Variants in ZNF12 observed in about 807,000 individuals in gnomAD.
ZNF12 encodes zinc finger protein 12, also known as gonadotropin inducible transcription repressor 3.
In ZNF12, 34 loss-of-function variants were observed where a neutral mutation model predicts 66.6. The ratio of observed to expected loss-of-function variants is 0.51; its 90% CI spans 0.39 to 0.68. ZNF12 has a LOEUF of 0.68. Among genes scored for constraint, ZNF12 ranks in the 30% least tolerant of loss-of-function variants. ZNF12 has a pLI of 0.00. For synonymous variants in ZNF12, 320 were observed against 278.9 expected, an observed-to-expected ratio of 1.15 and a Z score of -1.47; for missense variants, 697 against 826.9, an observed-to-expected ratio of 0.84 and a Z score of 1.93.
chr7:6,692,296 GTT>G lies in ZNF12; in HGVS notation c.644_645del (p.Lys215ThrfsTer3), dbSNP rs1478503927. ...TTCTGGCATTCAATATATTCAAAAG[GTT>G]TCTCCAAAATACGAATTTTCTGATA... ...SLYQKIRILE[K>X]PFEYIECQKA... On this transcript the variant is annotated frameshift_variant, in exon 5 of 5. Coordinates refer to ENST00000405858, the MANE Select transcript of ZNF12 (RefSeq NM_016265.4). LOFTEE classifies it high-confidence loss of function. This position sits in a 1 kb window ranked among gnomAD's most constrained non-coding sequence, Gnocchi z 5.1. The G allele has an allele frequency of 6.2e-7, 1 of 1,611,018 alleles. No homozygotes were observed. The highest frequency in any genetic ancestry group is 8.5e-7 in the Non-Finnish European group (1 of 1,179,042).
rs199761265 is a variant in ZNF12, at chr7:6,692,172, G to A, written c.770C>T (p.Thr257Ile). Reference sequence around the variant, plus strand: ...TTCCATATGAGATGTCTGATGTACAGTGAGGTCCGACATCTGGAGAAAGGC... The same window carrying A: ...TTCCATATGAGATGTCTGATGTACAATGAGGTCCGACATCTGGAGAAAGGC... ...EIAFLQMSDL[T>I]VHQTSHMEMK... Residue 257 changes from threonine (T) to isoleucine (I), a missense_variant, in exon 5 of 5, where the codon ACT becomes ATT. Transcript: ENST00000405858. The surrounding 1 kb of genome is among the most constrained non-coding windows in gnomAD (Gnocchi z 5.1). 1,870 of 1,614,118 alleles carry A rather than the reference G, an allele frequency of 1.2e-3. 1 individual carries two copies. Among genetic ancestry groups the A allele is most frequent in the Non-Finnish European group, 1.5e-3 (1,755 of 1,179,990 alleles).
rs140307361 is a variant in ZNF12, at chr7:6,692,913, C to T, written c.239-210G>A. On this transcript the variant is annotated intron_variant, in intron 4 of 4. Transcript: ENST00000405858. The surrounding 1 kb of genome is among the most constrained non-coding windows in gnomAD (Gnocchi z 5.1). ...CACACACACACACACACATCCCCCT[C>T]TAGGAATGGAGAAAGGGGGAAGTAA... is the stretch of plus-strand genomic sequence containing the variant. Among the ~76,000 whole-genome samples the T allele has an allele frequency of 6.6e-6, 1 of 152,152 alleles. No homozygotes were observed. Among genetic ancestry groups the T allele is most frequent in the African/African-American group, 2.4e-5 (1 of 41,492 alleles).
At chr7:6,702,118 G>A (rs1028255331) in intron 2 of ZNF12, among the ~76,000 whole-genome samples, 2 of 151,942 alleles carry the variant, frequency 1.3e-5, no homozygotes, top group East Asian at 3.9e-4. Context: ...AGTCTTCCTT[G>A]GGCTGGACTC....
chr7:6,702,486 CCACACA>C (rs59156870), intron 2 of ZNF12, among the ~76,000 whole-genome samples: 11 of 42,758 alleles, frequency 2.6e-4, no homozygotes, highest in African/African-American at 1.4e-3. Flanking sequence ...CTCCCAAACT[CCACACA>C]CACACACACA....
intron 2 of ZNF12, among the ~76,000 whole-genome samples, chr7:6,702,250 T>C (rs1780256289): frequency 7.1e-6 from 1 of 141,090 alleles, no homozygotes; most frequent in African/African-American, 2.7e-5. Flanking sequence ...AGTTCCTCCT[T>C]CTCTACCAGA....
At chr7:6,704,736 GTC>G (rs1472194209) in intron 2 of ZNF12, among the ~76,000 whole-genome samples, 1 of 65,270 alleles carries the variant, frequency 1.5e-5, no homozygotes, top group Non-Finnish European at 2.4e-5. Flanking sequence ...GCAATACTTG[GTC>G]TCAAAAAAAA....
chr7:6,695,702 A>G (rs1408676090), intron 4 of ZNF12, among the ~76,000 whole-genome samples: 2 of 152,266 alleles, frequency 1.3e-5, no homozygotes, highest in Non-Finnish European at 2.9e-5. Context: ...CAAGCAAAAT[A>G]TAGACACTAT....
At position 6,697,283 on chromosome 7, in the gene ZNF12, T is replaced by A. The variant is rs1172834664; in HGVS notation, c.238+56A>T. 1 of 1,390,506 alleles carries A rather than the reference T, an allele frequency of 7.2e-7. No individual in the cohort carries two copies. The highest frequency in any genetic ancestry group is 1.4e-5 in the African/African-American group (1 of 69,706). The allele number at this position is 1,390,506 out of a possible 1,614,324, so 86.1% of individuals were successfully genotyped here. On this transcript the variant is annotated intron_variant, in intron 4 of 4. Transcript: ENST00000405858. This position sits in a 1 kb window ranked among gnomAD's most constrained non-coding sequence, Gnocchi z 6.1. Reference sequence around the variant, plus strand: ...CTAAAGGTTCGGGACCATTAAAAAATCCCTGGGAAAAACACTCCCAAGTTA... The same window carrying A: ...CTAAAGGTTCGGGACCATTAAAAAAACCCTGGGAAAAACACTCCCAAGTTA...
rs1326983668 is a variant in ZNF12 at position 6,692,898 on chromosome 7, C to T, written c.239-195G>A. 1.3e-5 allele frequency among the ~76,000 whole-genome samples: 2 copies of T among 152,074 alleles called. No homozygotes were observed. The highest frequency in any genetic ancestry group is 3.9e-4 in the East Asian group (2 of 5,190). ...TTACACACACACAAACACACACACACACACACATCCCCCTCTAGGAATGGA... is the reference window on the plus strand; with the variant it reads ...TTACACACACACAAACACACACACATACACACATCCCCCTCTAGGAATGGA... On this transcript the variant is annotated intron_variant, in intron 4 of 4. Transcript: ENST00000405858. This position sits in a 1 kb window ranked among gnomAD's most constrained non-coding sequence, Gnocchi z 5.1.
rs557248021 is a variant in ZNF12 at position 6,690,622 on chromosome 7, A to G, written c.*226T>C. On this transcript the variant is annotated 3_prime_UTR_variant, in exon 5 of 5. Transcript: ENST00000405858. ...ATGGTGACATGTATATACATTCTTA[A>G]TATTTATAAATTTTTACTTGTCTAT... 42 of 477,210 alleles carry G rather than the reference A, an allele frequency of 8.8e-5. No individual in the cohort carries two copies. Among genetic ancestry groups the G allele is most frequent in the South Asian group, 6.7e-4 (18 of 26,770 alleles). The allele number at this position is 477,210 out of a possible 1,614,324, so 29.6% of individuals were successfully genotyped here.
chr7:6,703,062 A>G (rs1418218251), intron 2 of ZNF12, among the ~76,000 whole-genome samples: 2 of 151,562 alleles, frequency 1.3e-5, no homozygotes, highest in Non-Finnish European at 2.9e-5. Context: ...ACACACACAC[A>G]CACCCCTACC....
Position 6,697,385 on chromosome 7 carries a change from T to C in ZNF12, c.192A>G (p.Glu64=). Residue 64 remains glutamate, a synonymous_variant, in exon 4 of 5, where the codon GAA becomes GAG. Transcript: ENST00000405858. This position sits in a 1 kb window ranked among gnomAD's most constrained non-coding sequence, Gnocchi z 6.1. The part of the protein sequence containing the change: ...PDVISKLEQG[E]EPWIVEGEFL... ...ATTCTCCTTCTACTATCCATGGCTC[T>C]TCTCCTTGCTCCAACTTGCTGATAA... 6.2e-7 allele frequency: 1 copy of C among 1,612,608 alleles called. No homozygotes were observed. The highest frequency in any genetic ancestry group is 8.5e-7 in the Non-Finnish European group (1 of 1,179,360).
At chr7:6,695,608 G>T (rs1036529913) in intron 4 of ZNF12, among the ~76,000 whole-genome samples, 2 of 152,194 alleles carry the variant, frequency 1.3e-5, no homozygotes, top group East Asian at 1.9e-4. Context: ...AAGAAAGAAA[G>T]AAATATCTCT....
At position 6,691,960 on chromosome 7, in the gene ZNF12, T is replaced by G; in HGVS notation, c.982A>C (p.Asn328His). The change falls in exon 5 of 5, where the codon AAT becomes CAT. Residue 328 changes from asparagine (N) to histidine (H), a missense_variant. Coordinates refer to ENST00000405858, the MANE Select transcript of ZNF12 (RefSeq NM_016265.4). ...THTGEKPYECNECGKNFYQKL... is the reference protein window; with the variant it reads ...THTGEKPYECHECGKNFYQKL... ...TGGTAAAAGTTCTTCCCACATTCAT[T>G]ACATTCATAGGGCTTCTCCCCTGTG... 6.2e-7 allele frequency: 1 copy of G among 1,614,148 alleles called. No individual in the cohort carries two copies. Among genetic ancestry groups the G allele is most frequent in the Non-Finnish European group, 8.5e-7 (1 of 1,180,006 alleles).
chr7:6,704,309 C>T (rs1780310757), intron 2 of ZNF12: 2 of 145,862 alleles, frequency 1.4e-5, no homozygotes, highest in Admixed American at 6.8e-5. Flanking sequence ...AGTGAGACTC[C>T]ATCTTTAAAA....
chr7:6,691,716 TAG>T lies in ZNF12; in HGVS notation c.1224_1225del (p.Tyr409GlnfsTer3). On this transcript the variant is annotated frameshift_variant, in exon 5 of 5. Transcript: ENST00000405858. LOFTEE classifies it high-confidence loss of function. ...GCATTTCCCACATTCACTACACTTGTAGAGTTTCACACCTGTGTGAATTTTCT... is the reference window on the plus strand; with the variant it reads ...GCATTTCCCACATTCACTACACTTGTAGTTTCACACCTGTGTGAATTTTCT... 1.2e-6 allele frequency: 2 copies of T among 1,613,996 alleles called. No homozygotes were observed. Among genetic ancestry groups the T allele is most frequent in the African/African-American group, 2.7e-5 (2 of 75,048 alleles).
chr7:6,706,240 C>T (rs747554192), intron 1 of ZNF12, among the ~76,000 whole-genome samples, 192 bp downstream of exon 1: 3 of 152,186 alleles, frequency 2.0e-5, no homozygotes, highest in African/African-American at 4.8e-5. Flanking sequence ...GAGACAACGT[C>T]CGCAGCTGAG....
chr7:6,701,875 G>A (rs1780249081), intron 2 of ZNF12, among the ~76,000 whole-genome samples: 1 of 145,432 alleles, frequency 6.9e-6, no homozygotes, highest in Admixed American at 7.1e-5. Flanking sequence ...AAAACAAAAT[G>A]AAAAATCCTT....
At position 6,706,798 on chromosome 7, in the gene ZNF12, C is replaced by T. The variant is rs2115359803; in HGVS notation, c.-417G>A. ...TCGGGGATCCCCGCTTGAGCCTCCG[C>T]CTGGCCCGCACAGCCCCGCGCCCGC... On this transcript the variant is annotated 5_prime_UTR_variant, in exon 1 of 5. Transcript: ENST00000405858. 1 of 276,646 alleles carries T rather than the reference C, an allele frequency of 3.6e-6. No homozygotes were observed. Among genetic ancestry groups the T allele is most frequent in the African/African-American group, 2.4e-5 (1 of 42,366 alleles). The allele number at this position is 276,646 out of a possible 1,614,324, so 17.1% of individuals were successfully genotyped here.
Sources: allele counts gnomAD v4.1 joint callset (sites outside exome capture counted in the v4.1 genomes callset), GRCh38; gene constraint gnomAD v4.1.1; non-coding constraint Gnocchi (gnomAD v3.1); transcripts MANE v1.5; gene names NCBI Gene and HGNC (gene_info 2026-07-23, HGNC 2026-07-21).